Variants in RANBP2 observed in about 807,000 individuals in gnomAD.
RANBP2 encodes the protein RAN binding protein 2, also known as E3 SUMO-protein ligase RanBP2.
RANBP2 carries 57 observed loss-of-function variants against 303.6 expected under a neutral mutation model. The observed-to-expected ratio is 0.19, with a 90% confidence interval of 0.15 to 0.23. The LOEUF (loss-of-function observed/expected upper bound fraction) is 0.23. RANBP2 is among the 10% of genes least tolerant of loss of function. RANBP2 has a pLI of 1.00. For synonymous variants in RANBP2, 1,167 were observed against 1,301.5 expected (o/e 0.90, Z 2.23); for missense variants, 3,138 against 3,780.8 (o/e 0.83, Z 4.46).
the RANBP2 span, among the ~76,000 whole-genome samples, chr2:109,163,807 G>C: frequency 6.6e-6 from 1 of 152,148 alleles, no homozygotes; most frequent in Non-Finnish European, 1.5e-5. Context: ...CTTAATAATG[G>C]CTCTGCTTCC....
chr2:109,064,274 G>T, the RANBP2 span, among the ~76,000 whole-genome samples: 1 of 151,796 alleles, frequency 6.6e-6, no homozygotes, highest in Non-Finnish European at 1.5e-5. Context: ...TCAAGACCAC[G>T]GTGAAACCCC....
At chr2:109,407,685 T>C in the RANBP2 span, among the ~76,000 whole-genome samples, 1 of 152,176 alleles carries the variant, frequency 6.6e-6, no homozygotes, top group African/African-American at 2.4e-5. Context: ...CAGAAAGTTA[T>C]AAATTTAATT....
the RANBP2 span, among the ~76,000 whole-genome samples, chr2:109,479,861 C>A: frequency 6.6e-6 from 1 of 152,134 alleles, no homozygotes; most frequent in African/African-American, 2.4e-5. Flanking sequence ...GCCCTCAGAG[C>A]CTTCATACGG....
the RANBP2 span, among the ~76,000 whole-genome samples, chr2:109,687,147 T>G: frequency 6.6e-6 from 1 of 152,218 alleles, no homozygotes; most frequent in Non-Finnish European, 1.5e-5. Flanking sequence ...ATTTTCTTTG[T>G]GTAGCTGCCA....
At chr2:109,500,928 T>C in the RANBP2 span, among the ~76,000 whole-genome samples, 1 of 152,084 alleles carries the variant, frequency 6.6e-6, no homozygotes, top group Non-Finnish European at 1.5e-5. Flanking sequence ...CCAGCCTGGG[T>C]GGAAGAGCAA....
At chr2:108,925,334 C>T in the RANBP2 span, among the ~76,000 whole-genome samples, 1 of 152,270 alleles carries the variant, frequency 6.6e-6, no homozygotes, top group Non-Finnish European at 1.5e-5. Flanking sequence ...TCTGCCCATC[C>T]TAGTTCACAC....
At chr2:109,126,630 G>C in the RANBP2 span, among the ~76,000 whole-genome samples, 1 of 152,194 alleles carries the variant, frequency 6.6e-6, no homozygotes, top group Non-Finnish European at 1.5e-5. Context: ...ATGTGGGTTG[G>C]GAAGCAGAGG....
chr2:109,728,674 C>T, the RANBP2 span, among the ~76,000 whole-genome samples: 1 of 150,994 alleles, frequency 6.6e-6, no homozygotes, highest in African/African-American at 2.4e-5. Flanking sequence ...AGGCTGGTCT[C>T]GAACTCCTGA....
chr2:109,546,497 T>C, the RANBP2 span, among the ~76,000 whole-genome samples: 20 of 151,920 alleles, frequency 1.3e-4, no homozygotes, highest in African/African-American at 4.8e-4. Flanking sequence ...TGTGAACTTT[T>C]CCTAGAGTTT....
At chr2:109,648,257 A>C in the RANBP2 span, among the ~76,000 whole-genome samples, 2 of 152,214 alleles carry the variant, frequency 1.3e-5, no homozygotes, top group African/African-American at 4.8e-5. Flanking sequence ...GGCAGGAAGG[A>C]GGCTTGGCTG....
At chr2:108,810,328 A>T in the RANBP2 span, among the ~76,000 whole-genome samples, 687 of 152,216 alleles carry the variant, frequency 4.5e-3, 4 homozygotes, top group African/African-American at 0.016. Flanking sequence ...TCTGTACCTA[A>T]TTTTTTGAGA....
At chr2:109,437,985 C>T in the RANBP2 span, among the ~76,000 whole-genome samples, 1 of 152,206 alleles carries the variant, frequency 6.6e-6, no homozygotes, top group East Asian at 1.9e-4. Flanking sequence ...CACCCCAACC[C>T]TGTCCTCTCA....
At chr2:109,117,685 G>A in the RANBP2 span, among the ~76,000 whole-genome samples, 16 of 152,312 alleles carry the variant, frequency 1.1e-4, no homozygotes, top group East Asian at 1.7e-3. Context: ...AGATGAACCC[G>A]GTACCTCAGA....
At chr2:109,269,788 T>G in the RANBP2 span, among the ~76,000 whole-genome samples, 2 of 152,142 alleles carry the variant, frequency 1.3e-5, no homozygotes, top group Non-Finnish European at 2.9e-5. Flanking sequence ...TGAGGGGAAC[T>G]GAAGATAGTT....
chr2:109,440,494 T>G, the RANBP2 span, among the ~76,000 whole-genome samples: 2 of 152,248 alleles, frequency 1.3e-5, no homozygotes, highest in Non-Finnish European at 2.9e-5. Context: ...CATAGTCATA[T>G]TTTTGTATTT....
the RANBP2 span, among the ~76,000 whole-genome samples, chr2:109,099,249 C>T: frequency 4.6e-5 from 7 of 152,258 alleles, no homozygotes; most frequent in Admixed American, 2.0e-4. Flanking sequence ...ACTTAACACT[C>T]GATGCAGTAA....
At chr2:109,645,461 G>GA in the RANBP2 span, among the ~76,000 whole-genome samples, 1 of 152,168 alleles carries the variant, frequency 6.6e-6, no homozygotes, top group African/African-American at 2.4e-5. Flanking sequence ...ATTAGTAAGC[G>GA]AAACTACGCC....
the RANBP2 span, chr2:108,878,323 T>G: frequency 1.1e-5 from 2 of 189,696 alleles, no homozygotes; most frequent in African/African-American, 4.7e-5. Context: ...TTCTCACAAG[T>G]CTTTCAGGGT....
chr2:108,933,481 G>T, the RANBP2 span, among the ~76,000 whole-genome samples: 1 of 152,164 alleles, frequency 6.6e-6, no homozygotes, highest in Non-Finnish European at 1.5e-5. Flanking sequence ...CAGTGGTCCT[G>T]GGTCTTTCCT....
Sources: gnomAD v4.1 joint callset for allele counts (sites outside exome capture counted in the v4.1 genomes callset) on GRCh38, gnomAD v4.1.1 for gene constraint, MANE v1.5 for transcripts, NCBI Gene and HGNC (gene_info 2026-07-23, HGNC 2026-07-21) for gene names.